Variants in FAM234B observed in about 807,000 individuals in gnomAD.
FAM234B encodes the protein family with sequence similarity 234 member B.
A neutral mutation model predicts 69.3 loss-of-function variants in FAM234B; 33 were observed. The ratio of observed to expected loss-of-function variants is 0.48; its 90% CI spans 0.36 to 0.64. FAM234B has a LOEUF of 0.64. FAM234B is among the 30% of genes least tolerant of loss of function. The pLI, the probability that FAM234B is intolerant of heterozygous loss-of-function variation, is 0.00. For synonymous variants in FAM234B, 306 were observed against 306.9 expected (o/e 1.00, Z 0.03); for missense variants, 697 against 769.7 (o/e 0.91, Z 1.12).
At position 13,067,188 on chromosome 12, in the gene FAM234B, T is replaced by C; in HGVS notation, c.1034T>C (p.Phe345Ser). 1 of 1,614,060 alleles carries C rather than the reference T, an allele frequency of 6.2e-7. No homozygotes were observed. The highest frequency in any genetic ancestry group is 1.3e-5 in the African/African-American group (1 of 75,060). Residue 345 changes from phenylalanine (F) to serine (S), a missense_variant, in exon 7 of 13, where the codon TTT becomes TCT. Phe to Ser is a radical substitution (Grantham distance 155). Around this residue, in one of 3 missense-constraint regions of FAM234B, gnomAD observed 380 missense variants for 447.1 expected, o/e 0.85. Coordinates refer to ENST00000197268, the MANE Select transcript of FAM234B (RefSeq NM_020853.2). This position sits in a 1 kb window ranked among gnomAD's most constrained non-coding sequence, Gnocchi z 4.7. ...NIQAVALRDI[F>S]VQAQNRDSSP... ...CAAGCTGTCGCACTGCGGGACATTT[T>C]TGTTCAGGCCCAAAATCGAGACAGC... is the stretch of plus-strand genomic sequence containing the variant.
intron 5 of FAM234B, among the ~76,000 whole-genome samples, chr12:13,065,525 T>G (rs1865026935): frequency 6.6e-6 from 1 of 152,250 alleles, no homozygotes; most frequent in Non-Finnish European, 1.5e-5. Flanking sequence ...TTTCTAAGAT[T>G]TGCTTTCTGT....
intron 3 of FAM234B, 140 bp downstream of exon 3, chr12:13,058,689 C>A: frequency 1.4e-6 from 1 of 711,800 alleles, no homozygotes; most frequent in African/African-American, 1.8e-5. Context: ...TACATGAAAA[C>A]CCTCATCAGA....
At chr12:13,051,794 G>T (rs911937670) in intron 1 of FAM234B, among the ~76,000 whole-genome samples, 2 of 152,178 alleles carry the variant, frequency 1.3e-5, no homozygotes, top group African/African-American at 2.4e-5. Context: ...TGAGAAGAGT[G>T]GGGGAGGGCA....
chr12:13,061,799 A>G (rs761410100), intron 4 of FAM234B, 36 bp downstream of exon 4: 133 of 1,570,144 alleles, frequency 8.5e-5, no homozygotes, highest in East Asian at 8.1e-4. Flanking sequence ...CTTTGCTCCT[A>G]CGAGCCATAC....
chr12:13,071,568 C>A (rs1458739629), intron 10 of FAM234B, among the ~76,000 whole-genome samples, 172 bp downstream of exon 10: 1 of 152,186 alleles, frequency 6.6e-6, no homozygotes, highest in South Asian at 2.1e-4. Flanking sequence ...CTGAGCCACA[C>A]CTTTGCCTTT....
Position 13,061,745 on chromosome 12 carries a change from G to A in FAM234B, c.703G>A (p.Ala235Thr), listed in dbSNP as rs373610349. Residue 235 changes from alanine to threonine, a missense_variant, in exon 4 of 13, where the codon GCA becomes ACA. Ala to Thr is a moderately conservative substitution (Grantham distance 58). Transcript: ENST00000197268. ...GACAGGGACACACAAGATGCTCAGC[G>A]CATTCAATGCAACGTCAGGTAAATA... is the stretch of plus-strand genomic sequence containing the variant. ...LVTGTHKMLSAFNATSGKAIW... is the reference protein window; with the variant it reads ...LVTGTHKMLSTFNATSGKAIW... 4 of 1,613,774 alleles carry A rather than the reference G, an allele frequency of 2.5e-6. No homozygotes were observed. The highest frequency in any genetic ancestry group is 2.7e-5 in the African/African-American group (2 of 74,890).
rs761216507 is a variant in FAM234B at position 13,068,357 on chromosome 12, A to G, written c.1196A>G (p.Asn399Ser). 4 of 1,614,172 alleles carry G rather than the reference A, an allele frequency of 2.5e-6. No individual in the cohort carries two copies. The highest frequency in any genetic ancestry group is 3.3e-5 in the Admixed American group (2 of 60,026). ...AAGGCACCAGATTCCAACTGCAGCA[A>G]CCTTCTGATTACAACCAGACAAAGC... Reference protein sequence around the residue: ...MVKAPDSNCSNLLITTRQSLV... With the variant: ...MVKAPDSNCSSLLITTRQSLV... The change falls in exon 8 of 13, where the codon AAC becomes AGC. Residue 399 changes from asparagine (N) to serine (S), a missense_variant. Transcript: ENST00000197268.
At chr12:13,058,430 G>A (rs1591597649) in intron 2 of FAM234B, 21 bp from the exon 3 acceptor site, 1 of 1,605,056 alleles carries the variant, frequency 6.2e-7, no homozygotes, top group Non-Finnish European at 8.5e-7. Flanking sequence ...GGACCTTTTT[G>A]GTTTTTTATG....
chr12:13,075,386 G>T (rs1313267096), intron 10 of FAM234B, among the ~76,000 whole-genome samples: 1 of 150,952 alleles, frequency 6.6e-6, no homozygotes, highest in Non-Finnish European at 1.5e-5. Context: ...GGGACATCTT[G>T]TCAGATTCCT....
At chr12:13,047,859 A>G (rs1565505611) in intron 1 of FAM234B, among the ~76,000 whole-genome samples, 1 of 152,160 alleles carries the variant, frequency 6.6e-6, no homozygotes, top group Non-Finnish European at 1.5e-5. Flanking sequence ...TTTTAAGGCA[A>G]GTTGGTGGAC....
At chr12:13,058,179 C>T (rs1302961901) in intron 2 of FAM234B, among the ~76,000 whole-genome samples, 1 of 152,078 alleles carries the variant, frequency 6.6e-6, no homozygotes, top group African/African-American at 2.4e-5. Flanking sequence ...AAAAGAAAAC[C>T]CAGGGGACTC....
At chr12:13,075,257 C>T (rs1047063940) in intron 10 of FAM234B, among the ~76,000 whole-genome samples, 6 of 152,204 alleles carry the variant, frequency 3.9e-5, no homozygotes, top group African/African-American at 1.4e-4. Flanking sequence ...GGCTTTGACA[C>T]CCAGTGAAAG....
chr12:13,044,694 G>A lies in FAM234B; in HGVS notation c.37+254G>A, dbSNP rs569452385. Among the ~76,000 whole-genome samples, 2 of 152,342 alleles carry A rather than the reference G, an allele frequency of 1.3e-5. No homozygotes were observed. Among genetic ancestry groups the A allele is most frequent in the East Asian group, 1.9e-4 (1 of 5,174 alleles). Reference sequence around the variant, plus strand: ...CGCGCGGGGAGAGGGCGCCGAGCAGGTGTTACGGCGGGGAATGTCAGAACG... The same window carrying A: ...CGCGCGGGGAGAGGGCGCCGAGCAGATGTTACGGCGGGGAATGTCAGAACG... On this transcript the variant is annotated intron_variant, in intron 1 of 12. Transcript: ENST00000197268. The surrounding 1 kb of genome is among the most constrained non-coding windows in gnomAD (Gnocchi z 5.6).
chr12:13,079,532 C>T (rs932257942), intron 11 of FAM234B, among the ~76,000 whole-genome samples: 11 of 152,146 alleles, frequency 7.2e-5, no homozygotes, highest in Non-Finnish European at 1.2e-4. Flanking sequence ...TCTCTCAGTT[C>T]CTGAGTTGGG....
rs1423583579 is a variant in FAM234B, at chr12:13,080,899, G to A, written c.*269G>A. The A allele has an allele frequency of 2.6e-6, 1 of 384,788 alleles. No individual in the cohort carries two copies. Among genetic ancestry groups the A allele is most frequent in the Non-Finnish European group, 4.6e-6 (1 of 217,742 alleles). 23.8% of individuals were successfully genotyped at this position (384,788 alleles called of 1,614,324 possible). On this transcript the variant is annotated 3_prime_UTR_variant, in exon 13 of 13. Coordinates refer to ENST00000197268, the MANE Select transcript of FAM234B (RefSeq NM_020853.2). ...TCGTTTGGAAATGTGAATCTCTTAA[G>A]TATTTAATTTTTTTGGTATGTCTAA...
chr12:13,062,852 C>T lies in FAM234B; in HGVS notation c.729C>T (p.Ala243=), dbSNP rs749759615. 2.5e-5 allele frequency: 40 copies of T among 1,613,776 alleles called. No homozygotes were observed. Among genetic ancestry groups the T allele is most frequent in the Non-Finnish European group, 3.4e-5 (40 of 1,179,854 alleles). ...CTATGTGTCCTTCCTCAGGGAAAGC[C>T]ATTTGGACTTTAAACCCAAACTACT... ...LSAFNATSGK[A]IWTLNPNYLS... is the part of the protein sequence containing the mutation. The change falls in exon 5 of 13, where the codon GCC becomes GCT. Residue 243 remains alanine, a synonymous_variant. Coordinates refer to ENST00000197268, the MANE Select transcript of FAM234B (RefSeq NM_020853.2).
chr12:13,072,204 A>C (rs1865114000), intron 10 of FAM234B, among the ~76,000 whole-genome samples: 1 of 152,236 alleles, frequency 6.6e-6, no homozygotes, highest in Non-Finnish European at 1.5e-5. Flanking sequence ...AGGCTCAGTC[A>C]ACAAGTCGCT....
chr12:13,067,088 C>G lies in FAM234B; in HGVS notation c.1001-67C>G, dbSNP rs1865047710. ...CTGGTCAGGCTCTGTGTCTCTTGCT[C>G]AGATCCTCACCATGGGACAGTTCTG... On this transcript the variant is annotated intron_variant, in intron 6 of 12. Coordinates refer to ENST00000197268, the MANE Select transcript of FAM234B (RefSeq NM_020853.2). This position sits in a 1 kb window ranked among gnomAD's most constrained non-coding sequence, Gnocchi z 4.7. The G allele has an allele frequency of 1.3e-6, 2 of 1,585,066 alleles. No homozygotes were observed. The highest frequency in any genetic ancestry group is 1.7e-5 in the Admixed American group (1 of 59,628).
chr12:13,076,178 A>T, intron 11 of FAM234B, 35 bp downstream of exon 11: 1 of 1,435,026 alleles, frequency 7.0e-7, no homozygotes, highest in South Asian at 1.1e-5. Context: ...CTGTGTACGC[A>T]GATGGTGGGA....
Sources: gnomAD v4.1 joint callset for allele counts (sites outside exome capture counted in the v4.1 genomes callset) on GRCh38, gnomAD v4.1.1 for gene constraint, gnomAD v4.1.1 regional missense constraint, Gnocchi (gnomAD v3.1) non-coding constraint, MANE v1.5 for transcripts, NCBI Gene and HGNC (gene_info 2026-07-23, HGNC 2026-07-21) for gene names.